The following MGAM2 variants were observed in gnomAD, a reference collection of about 807,000 sequenced individuals.
The protein encoded by MGAM2 is probable maltase-glucoamylase 2.
Under a neutral mutation model 96.1 loss-of-function variants are expected in MGAM2, and 98 were observed. The observed-to-expected ratio is 1.02, with a 90% CI of 0.87 to 1.21. The LOEUF (loss-of-function observed/expected upper bound fraction) is 1.21, where lower values mean the gene tolerates loss of function less well. MGAM2 is among the 50% of genes most tolerant of loss of function. MGAM2 has a pLI of 0.00. For missense variants in MGAM2, 2,055 were observed against 1,182.4 expected, an observed-to-expected ratio of 1.74 and a Z score of -10.82; for synonymous variants, 749 against 414.8, an observed-to-expected ratio of 1.81 and a Z score of -9.79.
chr7:142,172,865 G>A, intron 30 of MGAM2, 101 bp downstream of exon 30: 1 of 587,866 alleles, frequency 1.7e-6, no homozygotes, highest in South Asian at 2.2e-5. Flanking sequence ...TGACTCTTGA[G>A]TGTCACTACT....
intron 46 of MGAM2, 43 bp from the exon 47 acceptor site, chr7:142,218,315 TCAA>T (rs1040954468): frequency 1.5e-5 from 9 of 584,464 alleles, no homozygotes; most frequent in Admixed American, 1.1e-4. Context: ...CCATAGTCTA[TCAA>T]CAATATGTTA....
intron 20 of MGAM2, among the ~76,000 whole-genome samples, chr7:142,159,899 A>G (rs1387713570): frequency 6.6e-6 from 1 of 152,180 alleles, no homozygotes; most frequent in Non-Finnish European, 1.5e-5. Context: ...GTGGTAGCCT[A>G]GCAATTGAAG....
chr7:142,146,201 G>A (rs1335240441), intron 14 of MGAM2, among the ~76,000 whole-genome samples: 3 of 27,178 alleles, frequency 1.1e-4, no homozygotes, highest in African/African-American at 5.0e-4. Flanking sequence ...ACTAAATTTT[G>A]TTTTTGATTT....
intron 29 of MGAM2, 94 bp downstream of exon 29, chr7:142,172,288 G>T (rs549024392): frequency 3.5e-6 from 2 of 569,868 alleles, no homozygotes; most frequent in African/African-American, 1.9e-5. Context: ...CATTCAGGGG[G>T]CAAGGGAAAT....
intron 6 of MGAM2, among the ~76,000 whole-genome samples, 197 bp from the exon 7 acceptor site, chr7:142,133,784 G>A (rs1393593906): frequency 6.6e-6 from 1 of 152,110 alleles, no homozygotes; most frequent in Non-Finnish European, 1.5e-5. Context: ...TGAGCTCCTG[G>A]CATCCTGGCC....
At chr7:142,154,628 G>A in intron 16 of MGAM2, 101 bp from the exon 17 acceptor site, 3 of 650,460 alleles carry the variant, frequency 4.6e-6, no homozygotes, top group Non-Finnish European at 8.4e-6. Context: ...AGCATGGGAT[G>A]ATGTGACAAA....
At position 142,116,974 on chromosome 7, in the gene MGAM2, C is replaced by T. The variant is rs994078486; in HGVS notation, c.101C>T (p.Thr34Ile). ...TTGCTGCTTCTTGTGTTGGAGGAAACTTCAGGTAAGGGAGATGCTTGTAGG... is the reference window on the plus strand; with the variant it reads ...TTGCTGCTTCTTGTGTTGGAGGAAATTTCAGGTAAGGGAGATGCTTGTAGG... ...ILLLLLVLEETSDTSFTPECP... is the reference protein window; with the variant it reads ...ILLLLLVLEEISDTSFTPECP... The change falls in exon 2 of 48, where the codon ACT becomes ATT. Residue 34 changes from threonine to isoleucine, a missense_variant. By Grantham distance (89) the Thr-to-Ile change is moderately conservative. Transcript: ENST00000477922. 8 of 702,984 alleles carry T rather than the reference C, an allele frequency of 1.1e-5. No homozygotes were observed. In the African/African-American group the frequency reaches 1.2e-4, roughly 11 times the overall value. 43.5% of individuals were successfully genotyped at this position (702,984 alleles called of 1,614,324 possible). A position where few individuals can be genotyped will look rare whatever the true frequency, so the allele number is the denominator to read the frequency against.
rs1795199198 is a variant in MGAM2, at chr7:142,140,822, A to G, written c.1107A>G (p.Ile369Met). Residue 369 changes from isoleucine (I) to methionine (M), a missense_variant, in exon 11 of 48, where the codon ATA (isoleucine) becomes ATG (methionine). Coordinates refer to ENST00000477922, the MANE Select transcript of MGAM2 (RefSeq NM_001293626.2). ...TTCAGGATGTCCAGTACTCTGACATAGACTACATGGATGGAAAGAAGGATT... is the reference window on the plus strand; with the variant it reads ...TTCAGGATGTCCAGTACTCTGACATGGACTACATGGATGGAAAGAAGGATT... ...EIPYDVQYSD[I>M]DYMDGKKDFT... The G allele has an allele frequency of 2.8e-6, 2 of 702,978 alleles. No homozygotes were observed. The highest frequency in any genetic ancestry group is 3.5e-5 in the African/African-American group (2 of 57,372). The allele number at this position is 702,978 out of a possible 1,614,324, so 43.5% of individuals were successfully genotyped here.
intron 23 of MGAM2, among the ~76,000 whole-genome samples, chr7:142,163,187 T>G (rs1222403192): frequency 6.6e-6 from 1 of 152,226 alleles, no homozygotes; most frequent in African/African-American, 2.4e-5. Context: ...TGATTAATAG[T>G]ATCTGGGATG....
intron 1 of MGAM2, among the ~76,000 whole-genome samples, chr7:142,113,343 A>G (rs747879118): frequency 6.6e-6 from 1 of 152,124 alleles, no homozygotes; most frequent in Non-Finnish European, 1.5e-5. Context: ...TTTGATCACA[A>G]AGCTAAAGGG....
chr7:142,172,041 T>A, intron 28 of MGAM2, 57 bp from the exon 29 acceptor site: 1 of 633,166 alleles, frequency 1.6e-6, no homozygotes, highest in Non-Finnish European at 2.9e-6. Context: ...GTTTGGGTTA[T>A]GGTATGAAAA....
chr7:142,193,537 C>G (rs987010971), intron 37 of MGAM2, among the ~76,000 whole-genome samples: 1 of 152,184 alleles, frequency 6.6e-6, no homozygotes, highest in African/African-American at 2.4e-5. Flanking sequence ...CTCTTCCCTG[C>G]TGACCTTCAT....
chr7:142,163,090 C>T (rs1190312779), intron 23 of MGAM2, among the ~76,000 whole-genome samples: 3 of 152,236 alleles, frequency 2.0e-5, no homozygotes, highest in Non-Finnish European at 4.4e-5. Context: ...CCCTCAAAAC[C>T]CATCCAAGTT....
Position 142,197,573 on chromosome 7 carries a change from C to G in MGAM2, c.4781+25C>G, listed in dbSNP as rs1797086251. The G allele has an allele frequency of 5.7e-6, 4 of 702,988 alleles. No homozygotes were observed. In the South Asian group the frequency reaches 5.9e-5, roughly 10 times the overall value. 43.5% of individuals were successfully genotyped at this position (702,988 alleles called of 1,614,324 possible). ...AGTGAGTACAGCCTCTTTCCCCAAG[C>G]ATGTCTTGCAAATAATCCTCTGTAG... On this transcript the variant is annotated intron_variant, in intron 41 of 47. Coordinates refer to ENST00000477922, the MANE Select transcript of MGAM2 (RefSeq NM_001293626.2).
intron 36 of MGAM2, among the ~76,000 whole-genome samples, chr7:142,188,767 G>T (rs527514520): frequency 6.6e-6 from 1 of 152,294 alleles, no homozygotes; most frequent in South Asian, 2.1e-4. Flanking sequence ...TAAGTTACAA[G>T]AGATATTCAA....
At position 142,220,603 on chromosome 7, in the gene MGAM2, G is replaced by T; in HGVS notation, c.6092G>T (p.Gly2031Val). Residue 2031 changes from glycine to valine, a missense_variant, in exon 48 of 48, where the codon GGT becomes GTT. Transcript: ENST00000477922. Reference sequence around the variant, plus strand: ...ACACTTTTTGCAACAAGTACTATTGGTGTTACAACTGGTACTACTGTTCCT... The same window carrying T: ...ACACTTTTTGCAACAAGTACTATTGTTGTTACAACTGGTACTACTGTTCCT... ...TTTLFATSTI[G>V]VTTGTTVPDT... 2 of 697,668 alleles carry T rather than the reference G, an allele frequency of 2.9e-6. No homozygotes were observed. Among genetic ancestry groups the T allele is most frequent in the Non-Finnish European group, 2.6e-6 (1 of 384,448 alleles). 43.2% of individuals were successfully genotyped at this position (697,668 alleles called of 1,614,324 possible).
At chr7:142,217,941 G>A (rs569814827) in intron 46 of MGAM2, among the ~76,000 whole-genome samples, 33 of 152,044 alleles carry the variant, frequency 2.2e-4, no homozygotes, top group African/African-American at 6.3e-4. Flanking sequence ...AAAATTAGCC[G>A]GGTATGGTGG....
intron 12 of MGAM2, among the ~76,000 whole-genome samples, 196 bp from the exon 13 acceptor site, chr7:142,143,572 AC>A (rs1424251367): frequency 2.0e-5 from 3 of 151,640 alleles, no homozygotes; most frequent in African/African-American, 7.3e-5. Context: ...TCATTGATCT[AC>A]TCTGTTGCTT....
chr7:142,131,441 C>CA, intron 4 of MGAM2, 77 bp from the exon 5 acceptor site: 1 of 668,056 alleles, frequency 1.5e-6, no homozygotes, highest in South Asian at 1.6e-5. Flanking sequence ...CATCTCAAAA[C>CA]AAAAACAAAA....
Sources: gnomAD v4.1 joint callset for allele counts (sites outside exome capture counted in the v4.1 genomes callset) on GRCh38, gnomAD v4.1.1 for gene constraint, MANE v1.5 for transcripts, NCBI Gene and HGNC (gene_info 2026-07-23, HGNC 2026-07-21) for gene names.